CFAP58: variants seen among roughly 807,000 people sequenced by gnomAD.
The protein encoded by CFAP58 is cilia- and flagella-associated protein 58.
In CFAP58, 88 loss-of-function variants were observed where a neutral mutation model predicts 119.5. The observed-to-expected ratio is 0.74, with a 90% CI of 0.62 to 0.88. CFAP58 has a LOEUF of 0.88. Among genes scored for constraint, CFAP58 ranks in the 40% least tolerant of loss-of-function variants. The pLI, the probability that CFAP58 is intolerant of heterozygous loss-of-function variation, is 0.00. For missense variants in CFAP58, 990 were observed against 1,021.2 expected (o/e 0.97, Z 0.42); for synonymous variants, 365 against 366.3 (o/e 1.00, Z 0.04).
In CFAP58 at chr10:104,399,566, C is replaced by T. The variant is rs1027148791; in HGVS notation, c.1815+66C>T. 8 of 1,530,580 alleles carry T rather than the reference C, an allele frequency of 5.2e-6. No homozygotes were observed. In the South Asian group the frequency reaches 6.1e-5, roughly 12 times the overall value. 94.8% of individuals were successfully genotyped at this position (1,530,580 alleles called of 1,614,324 possible). On this transcript the variant is annotated intron_variant, in intron 12 of 17. Transcript: ENST00000369704. Reference sequence around the variant, plus strand: ...GACACGGGTATTTAATTCCACCCTTCGAAACTTCCTTCCTCTCTAAGCTCT... The same window carrying T: ...GACACGGGTATTTAATTCCACCCTTTGAAACTTCCTTCCTCTCTAAGCTCT...
chr10:104,423,628 A>C (rs2133070322), intron 15 of CFAP58, among the ~76,000 whole-genome samples: 1 of 152,306 alleles, frequency 6.6e-6, no homozygotes, highest in East Asian at 1.9e-4. Flanking sequence ...GTCCAAAGGA[A>C]ACATTTTCAA....
intron 5 of CFAP58, among the ~76,000 whole-genome samples, chr10:104,366,929 A>G (rs1488073360): frequency 6.6e-6 from 1 of 151,824 alleles, no homozygotes; most frequent in African/African-American, 2.4e-5. Context: ...GCACAGTGGC[A>G]TGATCTCAGC....
In CFAP58 at chr10:104,454,444, G is replaced by A. The variant is rs1554927514; in HGVS notation, c.2533G>A (p.Asp845Asn). ...CAGAAACAAGGACACAGCACCCATG[G>A]ATAACACCTTCTTAATGGTCAAACC... ...LQKNKDTAPM[D>N]NTFLMVKPNG... The change falls in exon 18 of 18, where the codon GAT becomes AAT. Residue 845 changes from aspartate (D) to asparagine (N), a missense_variant. Physicochemically the swap from Asp to Asn is conservative, Grantham distance 23 (BLOSUM62 1). Coordinates refer to ENST00000369704, the MANE Select transcript of CFAP58 (RefSeq NM_001008723.2). 1 of 1,613,612 alleles carries A rather than the reference G, an allele frequency of 6.2e-7. No homozygotes were observed. The highest frequency in any genetic ancestry group is 8.5e-7 in the Non-Finnish European group (1 of 1,179,742).
chr10:104,357,978 CATATGT>C (rs2014605398), intron 1 of CFAP58, among the ~76,000 whole-genome samples: 4 of 139,576 alleles, frequency 2.9e-5, no homozygotes, highest in African/African-American at 1.2e-4. Flanking sequence ...CACATATGTA[CATATGT>C]ACACATATAT....
chr10:104,338,657 A>C, the CFAP58 span, among the ~76,000 whole-genome samples: 1 of 151,786 alleles, frequency 6.6e-6, no homozygotes, highest in African/African-American at 2.4e-5. Flanking sequence ...GAGAGACGGA[A>C]TCAGGCCAGT....
chr10:104,394,897 A>G (rs903320432), intron 11 of CFAP58, among the ~76,000 whole-genome samples: 4 of 152,336 alleles, frequency 2.6e-5, no homozygotes, highest in African/African-American at 9.6e-5. Context: ...TGCTGAATGA[A>G]TCGGAAGAAA....
chr10:104,365,742 G>A (rs2014734303), intron 4 of CFAP58, 72 bp from the exon 5 acceptor site: 1 of 1,352,952 alleles, frequency 7.4e-7, no homozygotes. Context: ...AGAGAGGAGG[G>A]GGCTTGGCTG....
At chr10:104,439,524 GA>G (rs34994798) in intron 15 of CFAP58, among the ~76,000 whole-genome samples, 1 of 151,908 alleles carries the variant, frequency 6.6e-6, no homozygotes, top group Admixed American at 6.6e-5. Flanking sequence ...GTTTTTCAAG[GA>G]AAAAATCTCA....
At chr10:104,350,107 G>A (rs558941128), upstream of CFAP58, among the ~76,000 whole-genome samples, 3 of 152,298 alleles carry the variant, frequency 2.0e-5, no homozygotes, top group South Asian at 2.1e-4. Context: ...GAGTGTTGGC[G>A]TGCACAATTT....
rs779933997 is a variant in CFAP58 at position 104,353,879 on chromosome 10, G to T, written c.-19G>T. ...GATCTCCACAGCAGCCTCTGAGGCCGCCCCCAGAGAGCATCAGGATGGCTG... is the reference window on the plus strand; with the variant it reads ...GATCTCCACAGCAGCCTCTGAGGCCTCCCCCAGAGAGCATCAGGATGGCTG... On this transcript the variant is annotated 5_prime_UTR_variant, in exon 1 of 18. Coordinates refer to ENST00000369704, the MANE Select transcript of CFAP58 (RefSeq NM_001008723.2). The T allele has an allele frequency of 6.2e-7, 1 of 1,610,978 alleles. No individual in the cohort carries two copies. Among genetic ancestry groups the T allele is most frequent in the East Asian group, 2.2e-5 (1 of 44,830 alleles).
At chr10:104,343,794 A>T in the CFAP58 span, among the ~76,000 whole-genome samples, 1 of 152,216 alleles carries the variant, frequency 6.6e-6, no homozygotes. Flanking sequence ...TTTGTTGCTC[A>T]GGCGGGAGTG....
chr10:104,422,628 T>G (rs544237012), intron 15 of CFAP58, among the ~76,000 whole-genome samples: 236 of 152,318 alleles, frequency 1.5e-3, no homozygotes, highest in Non-Finnish European at 2.7e-3. Context: ...CAGTGGTTGG[T>G]GCTGGCAGTT....
Position 104,403,856 on chromosome 10 carries a change from G to A in CFAP58, c.2151+16G>A, listed in dbSNP as rs372419893. ...GAAGCTCGAGGTAACATCTGGCAGC[G>A]TGTTCTCCCCATCCCCAAATCTCTC... On this transcript the variant is annotated intron_variant, in intron 14 of 17. Transcript: ENST00000369704. 7.3e-5 allele frequency: 111 copies of A among 1,522,602 alleles called. No individual in the cohort carries two copies. The Middle Eastern group carries it at 2.2e-3, about 30-fold the overall frequency. The allele number at this position is 1,522,602 out of a possible 1,614,324, so 94.3% of individuals were successfully genotyped here. A position where few individuals can be genotyped will look rare whatever the true frequency, so the allele number is the denominator to read the frequency against.
upstream of CFAP58, chr10:104,353,306 G>A (rs1414533888): frequency 6.6e-6 from 1 of 152,442 alleles, no homozygotes; most frequent in South Asian, 2.1e-4. Flanking sequence ...AGCGTCTGTG[G>A]TTTCTCTACT....
chr10:104,379,899 G>T, intron 8 of CFAP58, 130 bp from the exon 9 acceptor site: 1 of 845,070 alleles, frequency 1.2e-6, no homozygotes, highest in South Asian at 1.7e-5. Flanking sequence ...AAGCTGTAGA[G>T]AATATGATCA....
chr10:104,381,734 C>T (rs943894037), intron 9 of CFAP58, among the ~76,000 whole-genome samples: 47 of 152,132 alleles, frequency 3.1e-4, no homozygotes, highest in African/African-American at 1.0e-3. Context: ...AGCTTCTTCC[C>T]ACTTAGACTA....
intron 4 of CFAP58, 128 bp from the exon 5 acceptor site, chr10:104,365,686 A>T: frequency 1.4e-6 from 1 of 706,396 alleles, no homozygotes; most frequent in Non-Finnish European, 2.3e-6. Flanking sequence ...TCTGCCCTAT[A>T]GGGGAAATGC....
Position 104,429,343 on chromosome 10 carries a change from G to A in CFAP58, c.2257-18355G>A, listed in dbSNP as rs142057083. The stretch of plus-strand genomic sequence containing the variant: ...GAGGGCAGAGAGCAAAGGAGTGAGC[G>A]AGCCTGCATTCAGACAGGGAGACCA... On this transcript the variant is annotated intron_variant, in intron 15 of 17. Transcript: ENST00000369704. 7.6e-3 allele frequency among the ~76,000 whole-genome samples: 1,164 copies of A among 152,270 alleles called. 12 individuals carry two copies. Among genetic ancestry groups the A allele is most frequent in the African/African-American group, 0.027 (1,106 of 41,536 alleles).
intron 9 of CFAP58, among the ~76,000 whole-genome samples, chr10:104,381,370 G>C (rs937041694): frequency 2.0e-5 from 3 of 152,152 alleles, no homozygotes; most frequent in African/African-American, 7.2e-5. Flanking sequence ...GGTTAAAATA[G>C]TACTCTCTTT....
Sources: gnomAD v4.1 joint callset for allele counts (sites outside exome capture counted in the v4.1 genomes callset) on GRCh38, gnomAD v4.1.1 for gene constraint, MANE v1.5 for transcripts, NCBI Gene and HGNC (gene_info 2026-07-23, HGNC 2026-07-21) for gene names.